The following EPHA6 variants were observed in gnomAD, a reference collection of about 807,000 sequenced individuals.
EPHA6 encodes the protein ephrin type-A receptor 6.
A neutral mutation model predicts 112.0 loss-of-function variants in EPHA6; 50 were observed. That is an observed-to-expected ratio of 0.45 (90% CI 0.36 to 0.56). The LOEUF is 0.56. EPHA6 is among the 20% of genes least tolerant of loss of function. The pLI is 0.00. For missense variants in EPHA6, 1,280 were observed against 1,417.4 expected (o/e 0.90, Z 1.56); for synonymous variants, 529 against 490.7 (o/e 1.08, Z -1.03).
Position 97,750,817 on chromosome 3 carries a change from T to A in EPHA6, c.*2116T>A, listed in dbSNP as rs2035883098. Among the ~76,000 whole-genome samples the A allele has an allele frequency of 6.6e-6, 1 of 152,164 alleles. No homozygotes were observed. The highest frequency in any genetic ancestry group is 1.5e-5 in the Non-Finnish European group (1 of 68,024). On this transcript the variant is annotated 3_prime_UTR_variant, in exon 18 of 18. Coordinates refer to ENST00000389672, the MANE Select transcript of EPHA6 (RefSeq NM_001080448.3). ...AAAGCTAGAAGGAAGAGTCTTTAGA[T>A]GTTTCTTAAAATATACAAAAAAAGG...
intron 3 of EPHA6, among the ~76,000 whole-genome samples, chr3:97,075,231 A>G (rs1459133059): frequency 6.6e-6 from 1 of 152,028 alleles, no homozygotes; most frequent in African/African-American, 2.4e-5. Flanking sequence ...AATATTTCAT[A>G]TCTAGATTGT....
At chr3:96,985,193 A>AC (rs1180611914) in intron 2 of EPHA6, among the ~76,000 whole-genome samples, 2 of 151,820 alleles carry the variant, frequency 1.3e-5, no homozygotes, top group Non-Finnish European at 2.9e-5. Context: ...TCTTGGAAAC[A>AC]CCCCCCGGAA....
chr3:97,651,392 G>A (rs549019095), intron 14 of EPHA6, among the ~76,000 whole-genome samples: 3 of 152,070 alleles, frequency 2.0e-5, no homozygotes, highest in African/African-American at 7.2e-5. Context: ...AGCAGAGGGG[G>A]AAAGTCTCTA....
At chr3:96,894,818 A>C (rs1443066321) in intron 2 of EPHA6, among the ~76,000 whole-genome samples, 1 of 152,192 alleles carries the variant, frequency 6.6e-6, no homozygotes, top group Admixed American at 6.6e-5. Context: ...AACAAGAAAC[A>C]AAAGCAAAGG....
intron 5 of EPHA6, among the ~76,000 whole-genome samples, chr3:97,398,843 A>G (rs1378399992): frequency 1.3e-5 from 2 of 151,494 alleles, no homozygotes; most frequent in African/African-American, 2.4e-5. Flanking sequence ...ATGCATAAAA[A>G]TGGTATATAT....
intron 3 of EPHA6, among the ~76,000 whole-genome samples, chr3:97,224,036 A>G (rs1303930312): frequency 8.5e-5 from 13 of 152,156 alleles, no homozygotes; most frequent in African/African-American, 3.1e-4. Flanking sequence ...TTCGAGAAAA[A>G]AAAAATTTAA....
chr3:96,847,473 C>T (rs1296719836), intron 1 of EPHA6, among the ~76,000 whole-genome samples: 1 of 151,800 alleles, frequency 6.6e-6, no homozygotes. Flanking sequence ...TTTAATGTTT[C>T]TTCATTGCTG....
intron 1 of EPHA6, among the ~76,000 whole-genome samples, chr3:96,862,437 A>G (rs2036061257): frequency 6.6e-6 from 1 of 151,910 alleles, no homozygotes; most frequent in Admixed American, 6.6e-5. Flanking sequence ...TTTGTTAGAG[A>G]AAGTTCTCAA....
At chr3:97,475,571 G>A in intron 8 of EPHA6, 111 bp downstream of exon 8, 1 of 689,948 alleles carries the variant, frequency 1.4e-6, no homozygotes, top group South Asian at 2.0e-5. Context: ...GGTCGAGAGG[G>A]ATCCCATAAG....
intron 3 of EPHA6, among the ~76,000 whole-genome samples, chr3:97,089,728 C>G (rs2047005563): frequency 6.6e-6 from 1 of 152,112 alleles, no homozygotes; most frequent in South Asian, 2.1e-4. Context: ...GGCTTCACAG[C>G]AGAGCCAGCT....
chr3:96,863,812 G>T (rs764476647), intron 1 of EPHA6, among the ~76,000 whole-genome samples: 1 of 151,998 alleles, frequency 6.6e-6, no homozygotes, highest in Non-Finnish European at 1.5e-5. Context: ...GGAAATAGCT[G>T]TTGATAGATT....
At chr3:97,320,063 C>T (rs567274107) in intron 5 of EPHA6, among the ~76,000 whole-genome samples, 92 of 152,160 alleles carry the variant, frequency 6.0e-4, no homozygotes, top group South Asian at 1.2e-3. Flanking sequence ...TCTATTTCTT[C>T]TTCTCTGTTT....
chr3:97,664,463 C>T (rs1040554603), intron 14 of EPHA6, among the ~76,000 whole-genome samples: 1 of 152,128 alleles, frequency 6.6e-6, no homozygotes, highest in African/African-American at 2.4e-5. Flanking sequence ...GTTGGAAGTT[C>T]TGGCCAGGGC....
chr3:97,566,777 T>G (rs1009998174), intron 11 of EPHA6, among the ~76,000 whole-genome samples: 5 of 152,202 alleles, frequency 3.3e-5, no homozygotes, highest in African/African-American at 7.2e-5. Context: ...GGCTTTACTA[T>G]CCGGTGAGCT....
chr3:97,472,388 A>C (rs2091254003), intron 7 of EPHA6, among the ~76,000 whole-genome samples: 1 of 151,772 alleles, frequency 6.6e-6, no homozygotes, highest in African/African-American at 2.4e-5. Flanking sequence ...TAAGATATTC[A>C]TGGAGGAGTG....
intron 5 of EPHA6, among the ~76,000 whole-genome samples, chr3:97,352,912 G>A (rs2083886818): frequency 6.6e-6 from 1 of 152,076 alleles, no homozygotes; most frequent in Admixed American, 6.5e-5. Flanking sequence ...AAAGAGTAAA[G>A]AGGATATCCA....
At chr3:97,265,701 C>T (rs1383229931) in intron 5 of EPHA6, among the ~76,000 whole-genome samples, 2 of 152,306 alleles carry the variant, frequency 1.3e-5, no homozygotes, top group Admixed American at 1.3e-4. Flanking sequence ...TGCAGGCAGC[C>T]CCAGCTGCGG....
At chr3:97,158,818 A>C (rs2076347665) in intron 3 of EPHA6, among the ~76,000 whole-genome samples, 1 of 152,136 alleles carries the variant, frequency 6.6e-6, no homozygotes, top group Non-Finnish European at 1.5e-5. Flanking sequence ...GCTGGAGGTG[A>C]CTGCACCTCT....
chr3:97,076,894 G>A (rs6795601), intron 3 of EPHA6, among the ~76,000 whole-genome samples: 47,209 of 151,978 alleles, frequency 0.31, 13,291 homozygotes, highest in African/African-American at 0.74. Flanking sequence ...ATGGTTTACC[G>A]AACATTGTGG....
Sources: gnomAD v4.1 joint callset for allele counts (sites outside exome capture counted in the v4.1 genomes callset) on GRCh38, gnomAD v4.1.1 for gene constraint, MANE v1.5 for transcripts, NCBI Gene and HGNC (gene_info 2026-07-23, HGNC 2026-07-21) for gene names.